ARHGEF11: variants seen among roughly 807,000 people sequenced by gnomAD.
The protein encoded by ARHGEF11 is Rho guanine nucleotide exchange factor 11.
A neutral mutation model predicts 193.7 loss-of-function variants in ARHGEF11; 55 were observed. That is an observed-to-expected ratio of 0.28 (90% CI 0.23 to 0.36). The LOEUF is 0.36. Ranked by LOEUF, ARHGEF11 falls within the 10% of genes least tolerant of loss-of-function variation. ARHGEF11 has a pLI of 1.00. For missense variants in ARHGEF11, 1,723 were observed against 2,005.6 expected, an observed-to-expected ratio of 0.86 and a Z score of 2.69; for synonymous variants, 693 against 768.0, an observed-to-expected ratio of 0.90 and a Z score of 1.62.
chr1:156,955,862 C>A (rs1332919040), intron 19 of ARHGEF11, 63 bp from the exon 20 acceptor site: 2 of 1,260,772 alleles, frequency 1.6e-6, no homozygotes, highest in East Asian at 2.3e-5. Flanking sequence ...GGCTGCTAAT[C>A]AATTCTGCCA....
intron 4 of ARHGEF11, 74 bp from the exon 5 acceptor site, chr1:156,979,360 A>ATTT: frequency 1.4e-6 from 1 of 737,702 alleles, no homozygotes; most frequent in Admixed American, 3.8e-5. Flanking sequence ...TCAAAATGCC[A>ATTT]CTTTTTTTTT....
At chr1:156,938,365 G>A in intron 38 of ARHGEF11, 53 bp downstream of exon 38, 4 of 1,555,792 alleles carry the variant, frequency 2.6e-6, no homozygotes, top group South Asian at 2.3e-5. Context: ...TGCCCTCACA[G>A]GTTCCACACT....
At chr1:156,969,930 G>T in intron 9 of ARHGEF11, 68 bp downstream of exon 9, 1 of 1,503,948 alleles carries the variant, frequency 6.6e-7, no homozygotes, top group Non-Finnish European at 9.2e-7. Flanking sequence ...GCCCCATGGG[G>T]AGGGTAAACA....
At position 156,948,367 on chromosome 1, in the gene ARHGEF11, G is replaced by C. The variant is rs1658537975; in HGVS notation, c.2057C>G (p.Thr686Ser). 1 of 1,614,120 alleles carries C rather than the reference G, an allele frequency of 6.2e-7. No individual in the cohort carries two copies. Among genetic ancestry groups the C allele is most frequent in the Non-Finnish European group, 8.5e-7 (1 of 1,180,052 alleles). Residue 686 changes from threonine to serine, a missense_variant, in exon 23 of 41, where the codon ACT becomes AGT. Thr to Ser is a moderately conservative substitution (Grantham distance 58). This residue lies in a region of ARHGEF11 where 491 missense variants were observed against 654.5 expected (regional missense o/e 0.75). Coordinates refer to ENST00000368194, the MANE Select transcript of ARHGEF11 (RefSeq NM_198236.3). This position sits in a 1 kb window ranked among gnomAD's most constrained non-coding sequence, Gnocchi z 4.2. ...GGACGAGGCTGACTGGTGCAGGCGA[G>C]TAGCCTCCGCAGCAGCATCCATGTC... ...DVDMDAAAEATRLHQSASSST... is the reference protein window; with the variant it reads ...DVDMDAAAEASRLHQSASSST...
intron 4 of ARHGEF11, 112 bp downstream of exon 4, chr1:156,980,325 C>T: frequency 7.6e-7 from 1 of 1,314,980 alleles, no homozygotes; most frequent in Non-Finnish European, 1.1e-6. Context: ...AACTCAGTGG[C>T]TGCCTGGCAG....
Position 156,948,513 on chromosome 1 carries a change from C to G in ARHGEF11, c.1926-15G>C. ...CTGAGCGTGAACTGGGGGGAAGGGA[C>G]AAAAGACTTTGGGACTTGGGAAGTC... is the stretch of plus-strand genomic sequence containing the variant. On this transcript the variant is annotated splice_polypyrimidine_tract_variant and intron_variant, in intron 22 of 40. Transcript: ENST00000368194. This position sits in a 1 kb window ranked among gnomAD's most constrained non-coding sequence, Gnocchi z 4.2. 5.0e-6 allele frequency: 8 copies of G among 1,614,168 alleles called. No homozygotes were observed. Among genetic ancestry groups the G allele is most frequent in the Non-Finnish European group, 5.9e-6 (7 of 1,180,004 alleles).
chr1:157,004,069 C>A (rs992155897), intron 1 of ARHGEF11, among the ~76,000 whole-genome samples: 1 of 152,172 alleles, frequency 6.6e-6, no homozygotes, highest in Non-Finnish European at 1.5e-5. Context: ...CAAATCAAAT[C>A]ACTGATGGAG....
At chr1:156,963,620 G>A (rs758314151) in intron 11 of ARHGEF11, 26 bp from the exon 12 acceptor site, 4 of 1,609,950 alleles carry the variant, frequency 2.5e-6, no homozygotes, top group South Asian at 2.2e-5. Context: ...AAATTGCAGA[G>A]ATGAGAGGTT....
intron 31 of ARHGEF11, 30 bp downstream of exon 31, chr1:156,944,328 C>T: frequency 1.2e-6 from 2 of 1,610,852 alleles, no homozygotes; most frequent in Non-Finnish European, 1.7e-6. Flanking sequence ...ACTACAGGTT[C>T]CTGCTCAGTC....
At chr1:156,970,222 C>G (rs1157687085) in intron 8 of ARHGEF11, among the ~76,000 whole-genome samples, 179 bp from the exon 9 acceptor site, 1 of 152,144 alleles carries the variant, frequency 6.6e-6, no homozygotes, top group Non-Finnish European at 1.5e-5. Context: ...TGACAATGAC[C>G]CCTAATGGTG....
At chr1:157,031,779 A>G (rs1388207602) in intron 1 of ARHGEF11, among the ~76,000 whole-genome samples, 1 of 152,208 alleles carries the variant, frequency 6.6e-6, no homozygotes, top group Non-Finnish European at 1.5e-5. Flanking sequence ...CAGAGAAGCC[A>G]TAGTGGTGGT....
intron 1 of ARHGEF11, among the ~76,000 whole-genome samples, chr1:156,988,360 C>A (rs1665234189): frequency 6.6e-6 from 1 of 152,168 alleles, no homozygotes; most frequent in African/African-American, 2.4e-5. Flanking sequence ...TCTGTCTCTG[C>A]CTATACTGTT....
chr1:156,983,134 A>G (rs1248472943), intron 3 of ARHGEF11, among the ~76,000 whole-genome samples: 1 of 152,048 alleles, frequency 6.6e-6, no homozygotes, highest in East Asian at 1.9e-4. Flanking sequence ...GCCCAATGCT[A>G]CTTACTGCAC....
At chr1:156,981,856 T>C (rs1664227491) in intron 3 of ARHGEF11, among the ~76,000 whole-genome samples, 1 of 152,214 alleles carries the variant, frequency 6.6e-6, no homozygotes, top group African/African-American at 2.4e-5. Flanking sequence ...CCAAAACAAG[T>C]TAATGAGAAG....
chr1:156,988,267 C>T (rs576383270), intron 1 of ARHGEF11, among the ~76,000 whole-genome samples: 27 of 152,282 alleles, frequency 1.8e-4, no homozygotes, highest in Non-Finnish European at 2.8e-4. Context: ...GTCCCCAGTG[C>T]CTGACGCAAT....
intron 1 of ARHGEF11, among the ~76,000 whole-genome samples, chr1:157,030,088 G>A (rs564348963): frequency 6.6e-6 from 1 of 152,244 alleles, no homozygotes; most frequent in East Asian, 1.9e-4. Context: ...GCACAACTCT[G>A]TGAATATACT....
chr1:156,972,224 G>A (rs756885423), intron 7 of ARHGEF11, among the ~76,000 whole-genome samples: 6 of 152,140 alleles, frequency 3.9e-5, no homozygotes, highest in Non-Finnish European at 8.8e-5. Flanking sequence ...ATGAGAGGAA[G>A]CAGTGTCGAC....
intron 1 of ARHGEF11, among the ~76,000 whole-genome samples, chr1:157,027,872 T>A (rs1320839089): frequency 6.6e-6 from 1 of 152,174 alleles, no homozygotes; most frequent in Non-Finnish European, 1.5e-5. Flanking sequence ...AGTCAGCTAC[T>A]CTGAGGTCGC....
chr1:157,028,393 C>T (rs1366487533), intron 1 of ARHGEF11, among the ~76,000 whole-genome samples: 3 of 152,110 alleles, frequency 2.0e-5, no homozygotes, highest in East Asian at 3.8e-4. Flanking sequence ...GAAAGAAATA[C>T]TTTTTTTCTC....
Sources: gnomAD v4.1 joint callset for allele counts (sites outside exome capture counted in the v4.1 genomes callset) on GRCh38, gnomAD v4.1.1 for gene constraint, gnomAD v4.1.1 regional missense constraint, Gnocchi (gnomAD v3.1) non-coding constraint, MANE v1.5 for transcripts, NCBI Gene and HGNC (gene_info 2026-07-23, HGNC 2026-07-21) for gene names.